The following NCKAP5 variants were observed in gnomAD, a reference collection of about 807,000 sequenced individuals.
NCKAP5 encodes nck-associated protein 5.
In NCKAP5, 92 loss-of-function variants were observed where a neutral mutation model predicts 167.0. That is an observed-to-expected ratio of 0.55 (90% CI 0.47 to 0.66). The LOEUF (loss-of-function observed/expected upper bound fraction) is 0.66. NCKAP5 is among the 30% of genes least tolerant of loss of function. The pLI is 0.00. For synonymous variants in NCKAP5, 891 were observed against 877.4 expected (o/e 1.02, Z -0.27); for missense variants, 2,378 against 2,315.0 (o/e 1.03, Z -0.56).
chr2:133,362,553 G>C (rs1685183010), intron 3 of NCKAP5, among the ~76,000 whole-genome samples: 1 of 152,168 alleles, frequency 6.6e-6, no homozygotes. Flanking sequence ...TGGTTATCAT[G>C]TTCCCTCAAA....
At chr2:132,708,329 C>A (rs1688549792) in intron 19 of NCKAP5, among the ~76,000 whole-genome samples, 1 of 152,130 alleles carries the variant, frequency 6.6e-6, no homozygotes, top group Admixed American at 6.6e-5. Context: ...GGGGAGCCAA[C>A]TGCGCTCGAG....
At chr2:132,770,671 A>G (rs1370460428) in intron 16 of NCKAP5, among the ~76,000 whole-genome samples, 2 of 152,118 alleles carry the variant, frequency 1.3e-5, no homozygotes, top group Non-Finnish European at 2.9e-5. Context: ...ACCATCCAAC[A>G]GAACACTGAT....
intron 4 of NCKAP5, among the ~76,000 whole-genome samples, chr2:133,302,800 A>AAT (rs1559365760): frequency 4.0e-5 from 6 of 151,184 alleles, no homozygotes; most frequent in African/African-American, 1.2e-4. Flanking sequence ...AAAAATAAAA[A>AAT]AAATAAATAA....
intron 3 of NCKAP5, among the ~76,000 whole-genome samples, chr2:133,409,522 T>C (rs1235073105): frequency 6.6e-6 from 1 of 152,162 alleles, no homozygotes; most frequent in Non-Finnish European, 1.5e-5. Context: ...CAGGAAACCA[T>C]GGTGAATATC....
intron 8 of NCKAP5, among the ~76,000 whole-genome samples, chr2:132,941,074 G>A (rs1198706666): frequency 6.6e-6 from 1 of 152,182 alleles, no homozygotes; most frequent in Non-Finnish European, 1.5e-5. Context: ...GAGACAGTGA[G>A]TGAAAGTTGG....
intron 4 of NCKAP5, among the ~76,000 whole-genome samples, chr2:133,255,696 T>G (rs112538992): frequency 1.3e-5 from 2 of 152,190 alleles, no homozygotes; most frequent in African/African-American, 4.8e-5. Flanking sequence ...AGTATTAAAA[T>G]AGCCCTTGCC....
chr2:132,946,042 A>G (rs1172153853), intron 8 of NCKAP5, among the ~76,000 whole-genome samples: 2 of 152,208 alleles, frequency 1.3e-5, no homozygotes, highest in African/African-American at 2.4e-5. Flanking sequence ...ATCACAAGAG[A>G]TTTGCATTTT....
chr2:132,691,220 C>T (rs1686685806), intron 19 of NCKAP5, among the ~76,000 whole-genome samples: 1 of 152,230 alleles, frequency 6.6e-6, no homozygotes, highest in Admixed American at 6.5e-5. Context: ...AGTTTCCCAA[C>T]TGTGCTTCCA....
In NCKAP5 at chr2:132,862,026, G is replaced by A. The variant is rs541429618; in HGVS notation, c.688-1415C>T. 9.2e-5 allele frequency among the ~76,000 whole-genome samples: 14 copies of A among 152,314 alleles called. No individual in the cohort carries two copies. In the South Asian group the frequency reaches 1.2e-3, roughly 14 times the overall value. On this transcript the variant is annotated intron_variant, in intron 10 of 19. Transcript: ENST00000409261. ...ACTAGTGATTGGTGTGATAAAGAGC[G>A]TTTAAGTTTCTCAACACTTCTACTT... is the stretch of plus-strand genomic sequence containing the variant.
At chr2:133,355,594 C>G (rs934031054) in intron 3 of NCKAP5, among the ~76,000 whole-genome samples, 1 of 151,986 alleles carries the variant, frequency 6.6e-6, no homozygotes, top group South Asian at 2.1e-4. Context: ...TTACTTATTG[C>G]CAACCTTTTT....
rs545154630 is a variant in NCKAP5, at chr2:132,780,318, A to AT, written c.5049+733dup. ...AGGCGCCCACCACCATGCCTGGCTA[A>AT]TTTTTTGTATTTTAATAGAGACGGG... On this transcript the variant is annotated intron_variant, in intron 15 of 19. Transcript: ENST00000409261. Among the ~76,000 whole-genome samples the AT allele has an allele frequency of 1.5e-3, 230 of 152,068 alleles. 1 individual carries two copies. Among genetic ancestry groups the AT allele is most frequent in the African/African-American group, 5.2e-3 (215 of 41,476 alleles).
At chr2:133,311,999 G>T (rs1330725400) in intron 3 of NCKAP5, among the ~76,000 whole-genome samples, 1 of 152,130 alleles carries the variant, frequency 6.6e-6, no homozygotes, top group Non-Finnish European at 1.5e-5. Context: ...GAAAAATTTA[G>T]GTACATTGCT....
the NCKAP5 span, among the ~76,000 whole-genome samples, chr2:133,620,858 C>T: frequency 6.6e-6 from 1 of 152,018 alleles, no homozygotes; most frequent in Non-Finnish European, 1.5e-5. Context: ...TCAAGACAGA[C>T]CATATGACAG....
At chr2:133,079,656 T>C (rs2080736307) in intron 6 of NCKAP5, among the ~76,000 whole-genome samples, 2 of 152,204 alleles carry the variant, frequency 1.3e-5, no homozygotes, top group Non-Finnish European at 2.9e-5. Flanking sequence ...GAAGATCTTC[T>C]GGGAATTCTA....
the NCKAP5 span, among the ~76,000 whole-genome samples, chr2:133,581,793 G>C: frequency 6.6e-6 from 1 of 152,166 alleles, no homozygotes; most frequent in Non-Finnish European, 1.5e-5. Flanking sequence ...GGAGCTGAAA[G>C]TTCACTTTTC....
the NCKAP5 span, among the ~76,000 whole-genome samples, chr2:133,660,175 T>C: frequency 6.6e-6 from 1 of 152,204 alleles, no homozygotes; most frequent in Admixed American, 6.5e-5. Flanking sequence ...GCCCAAATGG[T>C]TCTTCCCTCC....
intron 4 of NCKAP5, among the ~76,000 whole-genome samples, chr2:133,232,230 T>C (rs901107559): frequency 4.6e-5 from 7 of 152,168 alleles, no homozygotes; most frequent in African/African-American, 1.7e-4. Context: ...CTCAGAAGGA[T>C]TGCTTGAGCC....
At chr2:132,811,782 C>T (rs879316418) in intron 11 of NCKAP5, among the ~76,000 whole-genome samples, 12 of 152,160 alleles carry the variant, frequency 7.9e-5, no homozygotes, top group Non-Finnish European at 1.6e-4. Flanking sequence ...TGAGTTCTGG[C>T]TAGGAAGCGT....
intron 3 of NCKAP5, among the ~76,000 whole-genome samples, chr2:133,465,549 G>C (rs200115245): frequency 6.7e-5 from 10 of 149,944 alleles, no homozygotes; most frequent in South Asian, 4.3e-4. Context: ...GGGTCAAATG[G>C]TATTTCCAGT....
Sources: allele counts gnomAD v4.1 joint callset (sites outside exome capture counted in the v4.1 genomes callset), GRCh38; gene constraint gnomAD v4.1.1; transcripts MANE v1.5; gene names NCBI Gene and HGNC (gene_info 2026-07-23, HGNC 2026-07-21).